TM9SF3: variants seen among roughly 807,000 people sequenced by gnomAD.
TM9SF3 encodes SM-11044-binding protein.
A neutral mutation model predicts 78.6 loss-of-function variants in TM9SF3; 14 were observed. That is an observed-to-expected ratio of 0.18 (90% CI 0.12 to 0.28). TM9SF3 has a LOEUF of 0.28. Among genes scored for constraint, TM9SF3 ranks in the 10% least tolerant of loss-of-function variants. The probability of loss-of-function intolerance (pLI) is 1.00; values close to 1 mark genes in which losing one functional copy is unlikely to be tolerated. For synonymous variants in TM9SF3, 231 were observed against 241.7 expected (o/e 0.96, Z 0.41); for missense variants, 496 against 721.9 (o/e 0.69, Z 3.59).
chr10:96,554,954 T>A (rs1315516733), intron 5 of TM9SF3, among the ~76,000 whole-genome samples: 1 of 152,146 alleles, frequency 6.6e-6, no homozygotes, highest in East Asian at 1.9e-4. Flanking sequence ...AAATGACTTG[T>A]ATCTATCCAT....
chr10:96,579,191 G>A (rs971311875), intron 1 of TM9SF3, among the ~76,000 whole-genome samples: 11 of 152,198 alleles, frequency 7.2e-5, no homozygotes, highest in Non-Finnish European at 1.5e-4. Context: ...GAAGTTTGAA[G>A]TATGTGAAAT....
chr10:96,553,150 G>C, intron 5 of TM9SF3, 91 bp from the exon 6 acceptor site: 1 of 1,110,670 alleles, frequency 9.0e-7, no homozygotes, highest in Non-Finnish European at 1.2e-6. Flanking sequence ...TTAATGCAAA[G>C]AAAAAAAAAA....
chr10:96,524,086 G>A (rs375204226), intron 14 of TM9SF3, among the ~76,000 whole-genome samples: 20 of 151,790 alleles, frequency 1.3e-4, no homozygotes, highest in Non-Finnish European at 2.4e-4. Context: ...TAGGCCATGA[G>A]TTGATAATTA....
intron 5 of TM9SF3, among the ~76,000 whole-genome samples, chr10:96,558,742 T>C (rs1214173891): frequency 2.0e-5 from 3 of 152,008 alleles, no homozygotes; most frequent in Non-Finnish European, 4.4e-5. Context: ...CGGTAGAGTC[T>C]AAGAATGGAA....
chr10:96,536,142 A>G (rs1314465314), intron 9 of TM9SF3, among the ~76,000 whole-genome samples: 3 of 152,064 alleles, frequency 2.0e-5, no homozygotes, highest in Non-Finnish European at 2.9e-5. Context: ...GCAGCGAACT[A>G]CAAATAGAAG....
chr10:96,570,051 A>C (rs941874111), intron 2 of TM9SF3, among the ~76,000 whole-genome samples: 1 of 152,246 alleles, frequency 6.6e-6, no homozygotes, highest in Non-Finnish European at 1.5e-5. Flanking sequence ...GGGGAAAAAA[A>C]CCACAGTATC....
intron 11 of TM9SF3, among the ~76,000 whole-genome samples, chr10:96,528,575 T>G (rs1319178418): frequency 6.6e-6 from 1 of 151,986 alleles, no homozygotes; most frequent in East Asian, 1.9e-4. Context: ...AAATAATAAG[T>G]AGAAAAATAA....
Position 96,586,928 on chromosome 10 carries a change from C to T in TM9SF3, c.-93G>A. ...CGCCGCCTCCGCCGCGGCCGATTCGCATCCACGGGGCGCGGACAGACGCAC... is the reference window on the plus strand; with the variant it reads ...CGCCGCCTCCGCCGCGGCCGATTCGTATCCACGGGGCGCGGACAGACGCAC... On this transcript the variant is annotated 5_prime_UTR_variant, in exon 1 of 15. An upstream start codon of the reference 5' UTR is lost. Coordinates refer to ENST00000371142, the MANE Select transcript of TM9SF3 (RefSeq NM_020123.4). The T allele has an allele frequency of 1.9e-6, 2 of 1,033,866 alleles. No homozygotes were observed. Among genetic ancestry groups the T allele is most frequent in the Non-Finnish European group, 2.4e-6 (2 of 834,070 alleles). The allele number at this position is 1,033,866 out of a possible 1,614,324, so 64.0% of individuals were successfully genotyped here. A position where few individuals can be genotyped will look rare whatever the true frequency, so the allele number is the denominator to read the frequency against.
At chr10:96,538,095 A>G (rs778765383) in intron 9 of TM9SF3, among the ~76,000 whole-genome samples, 7 of 152,366 alleles carry the variant, frequency 4.6e-5, no homozygotes, top group Non-Finnish European at 7.3e-5. Context: ...ACAACTTTGA[A>G]AAAGAATTGA....
chr10:96,560,760 C>T (rs1300931739), intron 4 of TM9SF3: 5 of 568,410 alleles, frequency 8.8e-6, no homozygotes, highest in African/African-American at 7.5e-5. Flanking sequence ...CAAAAATGCA[C>T]AAAAGTCAAA....
At chr10:96,576,508 T>C in intron 2 of TM9SF3, 126 bp downstream of exon 2, 1 of 899,518 alleles carries the variant, frequency 1.1e-6, no homozygotes, top group Non-Finnish European at 1.6e-6. Context: ...CTGCTAGACA[T>C]CCTAACATGT....
intron 2 of TM9SF3, among the ~76,000 whole-genome samples, chr10:96,574,537 T>C (rs190618902): frequency 0.014 from 2,068 of 152,262 alleles, 33 homozygotes; most frequent in African/African-American, 0.044. Context: ...GATCTAGAAC[T>C]AGAAATACCA....
chr10:96,532,973 A>G, intron 10 of TM9SF3, 78 bp downstream of exon 10: 2 of 1,512,326 alleles, frequency 1.3e-6, no homozygotes, highest in Admixed American at 2.0e-5. Context: ...TACCAATTCT[A>G]AAGTTACATG....
chr10:96,538,088 A>T lies in TM9SF3; in HGVS notation c.1186-4898T>A, dbSNP rs559375156. ...AAAGAATATTAGAAAAGCCAAAACAACTTTGAAAAAGAATTGATTTCAGGA... is the reference window on the plus strand; with the variant it reads ...AAAGAATATTAGAAAAGCCAAAACATCTTTGAAAAAGAATTGATTTCAGGA... On this transcript the variant is annotated intron_variant, in intron 9 of 14. Coordinates refer to ENST00000371142, the MANE Select transcript of TM9SF3 (RefSeq NM_020123.4). Among the ~76,000 whole-genome samples, 3 of 152,308 alleles carry T rather than the reference A, an allele frequency of 2.0e-5. No homozygotes were observed. In the East Asian group the frequency reaches 5.8e-4, roughly 29 times the overall value.
At chr10:96,530,179 G>C (rs1484470330) in intron 11 of TM9SF3, among the ~76,000 whole-genome samples, 4 of 152,094 alleles carry the variant, frequency 2.6e-5, no homozygotes, top group Non-Finnish European at 1.5e-5. Flanking sequence ...GTAGGTATTG[G>C]TTTACCTAGT....
chr10:96,569,764 T>C (rs1848418592), intron 2 of TM9SF3, among the ~76,000 whole-genome samples: 2 of 152,178 alleles, frequency 1.3e-5, no homozygotes, highest in Admixed American at 1.3e-4. Context: ...CCGGGCGCAA[T>C]GGCTCACACC....
intron 8 of TM9SF3, among the ~76,000 whole-genome samples, chr10:96,546,348 G>A (rs1431645466): frequency 6.6e-6 from 1 of 152,156 alleles, no homozygotes; most frequent in Admixed American, 6.5e-5. Flanking sequence ...AACTCTGTCA[G>A]CTTTCAAGAA....
At chr10:96,541,462 G>A (rs367911678) in intron 9 of TM9SF3, among the ~76,000 whole-genome samples, 2 of 151,750 alleles carry the variant, frequency 1.3e-5, no homozygotes, top group Admixed American at 1.3e-4. Context: ...TGCAACCTCC[G>A]CCTCCTGGGT....
intron 4 of TM9SF3, chr10:96,560,559 G>A: frequency 1.4e-6 from 1 of 697,504 alleles, no homozygotes; most frequent in Non-Finnish European, 2.7e-6. Flanking sequence ...TGCAGAATCA[G>A]AAGATGAACA....
Sources: gnomAD v4.1 joint callset for allele counts (sites outside exome capture counted in the v4.1 genomes callset) on GRCh38, gnomAD v4.1.1 for gene constraint, MANE v1.5 for transcripts, NCBI Gene and HGNC (gene_info 2026-07-23, HGNC 2026-07-21) for gene names.